Variants in KCNT1 observed in about 807,000 individuals in gnomAD.
KCNT1 encodes the protein potassium sodium-activated channel subfamily T member 1.
Under a neutral mutation model 147.8 loss-of-function variants are expected in KCNT1, and 78 were observed. The observed-to-expected ratio is 0.53, with a 90% CI of 0.44 to 0.64. KCNT1 has a LOEUF of 0.64. Ranked by LOEUF, KCNT1 falls within the 30% of genes least tolerant of loss-of-function variation. KCNT1 has a pLI of 0.00. For missense variants in KCNT1, 1,419 were observed against 1,750.3 expected (o/e 0.81, Z 3.38); for synonymous variants, 867 against 748.8 (o/e 1.16, Z -2.58).
intron 2 of KCNT1, among the ~76,000 whole-genome samples, chr9:135,735,251 G>A (rs756827166): frequency 5.9e-5 from 9 of 152,238 alleles, no homozygotes; most frequent in South Asian, 2.1e-4. Flanking sequence ...CCACATCGGG[G>A]AGGGCGCTAG....
At chr9:135,791,377 GAA>G in intron 29 of KCNT1, 1 of 226,892 alleles carries the variant, frequency 4.4e-6, no homozygotes, top group East Asian at 1.3e-4. Flanking sequence ...ATACAGAGGT[GAA>G]TCTGCAGGTG....
chr9:135,747,488 C>G (rs747236790), intron 2 of KCNT1, among the ~76,000 whole-genome samples: 3 of 152,088 alleles, frequency 2.0e-5, no homozygotes, highest in Non-Finnish European at 4.4e-5. Context: ...GCCTGCCCCC[C>G]TGACATGGCC....
intron 2 of KCNT1, among the ~76,000 whole-genome samples, chr9:135,733,316 G>A (rs1830193375): frequency 1.1e-5 from 1 of 88,114 alleles, no homozygotes; most frequent in Non-Finnish European, 2.1e-5. Flanking sequence ...CCCCACACCT[G>A]CCAGCACACC....
chr9:135,726,075 T>A (rs1206736209), intron 2 of KCNT1, among the ~76,000 whole-genome samples: 2 of 151,876 alleles, frequency 1.3e-5, no homozygotes, highest in East Asian at 3.9e-4. Flanking sequence ...CATCCTCCCC[T>A]GACCTTGATC....
intron 20 of KCNT1, among the ~76,000 whole-genome samples, chr9:135,776,082 C>T (rs759315721): frequency 3.3e-5 from 5 of 151,846 alleles, no homozygotes; most frequent in South Asian, 4.2e-4. Context: ...AGGTCACTGG[C>T]GATGTTTACT....
chr9:135,791,697 A>G (rs1164610769), intron 29 of KCNT1, 100 bp from the exon 30 acceptor site: 14 of 1,010,630 alleles, frequency 1.4e-5, no homozygotes, highest in Non-Finnish European at 2.1e-5. Context: ...AAGGCCGGAA[A>G]GACTCAGCTC....
chr9:135,710,230 C>G (rs1256182493), intron 1 of KCNT1, among the ~76,000 whole-genome samples: 24 of 152,178 alleles, frequency 1.6e-4, no homozygotes, highest in Admixed American at 1.5e-3. Flanking sequence ...GAACACTTTT[C>G]CCTGTATTTT....
intron 2 of KCNT1, 36 bp from the exon 3 acceptor site, chr9:135,750,062 G>A (rs764463118): frequency 5.1e-6 from 8 of 1,565,556 alleles, no homozygotes; most frequent in Non-Finnish European, 7.0e-6. Flanking sequence ...AGTCCCCACT[G>A]GCCCTGAGCC....
chr9:135,745,029 C>T (rs1037415580), intron 2 of KCNT1, among the ~76,000 whole-genome samples: 16 of 152,194 alleles, frequency 1.1e-4, no homozygotes, highest in Admixed American at 3.3e-4. Context: ...GGGTGGGGGT[C>T]GGGACCCGTG....
At chr9:135,786,125 C>A in intron 28 of KCNT1, 72 bp from the exon 29 acceptor site, 1 of 1,399,978 alleles carries the variant, frequency 7.1e-7, no homozygotes, top group Non-Finnish European at 9.8e-7. Context: ...CTTCCTAAGC[C>A]CCTGCCCCAA....
intron 2 of KCNT1, among the ~76,000 whole-genome samples, chr9:135,717,199 AG>A (rs1588258813): frequency 7.6e-6 from 1 of 132,138 alleles, no homozygotes; most frequent in Non-Finnish European, 1.6e-5. Flanking sequence ...GATGGGAGGG[AG>A]GGGACCTGGC....
In KCNT1 at chr9:135,791,925, C is replaced by G. The variant is rs552132326; in HGVS notation, c.3587+44C>G. On this transcript the variant is annotated intron_variant, in intron 30 of 30. Transcript: ENST00000371757. ...CTGTGTGGAGACCCCCCCTGAGCAC[C>G]AGGTGGGCACTGGGGAGATGAGGCC... 57 of 1,610,312 alleles carry G rather than the reference C, an allele frequency of 3.5e-5. No homozygotes were observed. In the South Asian group the frequency reaches 5.6e-4, roughly 16 times the overall value.
chr9:135,756,837 C>T, intron 6 of KCNT1, 36 bp from the exon 7 acceptor site: 2 of 1,597,490 alleles, frequency 1.3e-6, no homozygotes, highest in Non-Finnish European at 1.7e-6. Context: ...CCAGCCCCGG[C>T]CTGCTCCAGA....
intron 2 of KCNT1, among the ~76,000 whole-genome samples, chr9:135,718,771 G>A (rs1835814205): frequency 6.6e-6 from 1 of 152,212 alleles, no homozygotes; most frequent in Non-Finnish European, 1.5e-5. Context: ...GGGCGGGCAG[G>A]ACTCGGGCTT....
chr9:135,791,639 G>T (rs1259172825), intron 29 of KCNT1, 158 bp from the exon 30 acceptor site: 2 of 662,224 alleles, frequency 3.0e-6, no homozygotes, highest in Non-Finnish European at 5.3e-6. Context: ...TCAGGGATGG[G>T]CCCTGGCTGG....
intron 29 of KCNT1, chr9:135,789,482 G>GCCC (rs1834337045): frequency 6.6e-6 from 1 of 152,362 alleles, no homozygotes; most frequent in Admixed American, 6.5e-5. Flanking sequence ...AGGCACCCCA[G>GCCC]CCCCGATACT....
intron 10 of KCNT1, 127 bp from the exon 11 acceptor site, chr9:135,759,552 G>T (rs1164956788): frequency 3.0e-6 from 3 of 997,898 alleles, no homozygotes; most frequent in Non-Finnish European, 4.1e-6. Context: ...GGAGGGCGGG[G>T]CTCGCCTGGT....
chr9:135,727,294 TGTC>T (rs1490687068), intron 2 of KCNT1, among the ~76,000 whole-genome samples: 1 of 88,722 alleles, frequency 1.1e-5, no homozygotes, highest in Non-Finnish European at 2.3e-5. Context: ...TCTCTCTCCC[TGTC>T]CCTCTCTTTC....
Position 135,792,119 on chromosome 9 carries a change from G to C in KCNT1, c.3666G>C (p.Leu1222=). The change falls in exon 31 of 31, where the codon CTG becomes CTC. Residue 1222 remains leucine (L), a synonymous_variant. Transcript: ENST00000371757. The part of the protein sequence containing the change: ...QSRKSSCSHK[L]SSCNPETRDE... ...GGAAGAGCAGCTGCAGCCACAAGCT[G>C]TCGTCCTGCAACCCCGAGACTCGCG... The C allele has an allele frequency of 6.2e-7, 1 of 1,605,880 alleles. No homozygotes were observed. Among genetic ancestry groups the C allele is most frequent in the Non-Finnish European group, 8.5e-7 (1 of 1,179,546 alleles).
Sources: gnomAD v4.1 joint callset for allele counts (sites outside exome capture counted in the v4.1 genomes callset) on GRCh38, gnomAD v4.1.1 for gene constraint, MANE v1.5 for transcripts, NCBI Gene and HGNC (gene_info 2026-07-23, HGNC 2026-07-21) for gene names.